PDX1: variants seen among roughly 807,000 people sequenced by gnomAD.
PDX1 encodes the protein pancreas/duodenum homeobox protein 1.
PDX1 carries 7 observed loss-of-function variants against 11.1 expected under a neutral mutation model. The ratio of observed to expected loss-of-function variants is 0.63; its 90% confidence interval spans 0.36 to 1.19. The LOEUF is 1.19. PDX1 is among the 50% of genes most tolerant of loss of function. PDX1 has a pLI of 0.02. For missense variants in PDX1, 449 were observed against 412.1 expected (o/e 1.09, Z -0.78); for synonymous variants, 232 against 196.2 (o/e 1.18, Z -1.53).
In PDX1 at chr13:27,924,467, C is replaced by T. The variant is rs1442259663; in HGVS notation, c.618C>T (p.Asp206=). ...NRRMKWKKEE[D]KKRGGGTAVG... is the part of the protein sequence containing the mutation. ...GCATGAAGTGGAAAAAGGAGGAGGACAAGAAGCGCGGCGGCGGGACAGCTG... is the reference window on the plus strand; with the variant it reads ...GCATGAAGTGGAAAAAGGAGGAGGATAAGAAGCGCGGCGGCGGGACAGCTG... Residue 206 remains aspartate (D), a synonymous_variant, in exon 2 of 2, where the codon GAC becomes GAT. Transcript: ENST00000381033. This position sits in a 1 kb window ranked among gnomAD's most constrained non-coding sequence, Gnocchi z 4.8. 2.5e-6 allele frequency: 4 copies of T among 1,612,998 alleles called. No homozygotes were observed. The African/African-American group carries it at 5.3e-5, about 22-fold the overall frequency.
At chr13:27,923,249 C>T (rs571974215) in intron 1 of PDX1, among the ~76,000 whole-genome samples, 1 of 152,352 alleles carries the variant, frequency 6.6e-6, no homozygotes, top group Admixed American at 6.5e-5. Context: ...GGGTCTCCAA[C>T]CTCCTGGGCC....
chr13:27,923,901 G>A (rs753109592), intron 1 of PDX1, among the ~76,000 whole-genome samples: 19 of 152,180 alleles, frequency 1.2e-4, no homozygotes, highest in Admixed American at 9.8e-4. Flanking sequence ...GTAGGATCCA[G>A]CCGGTTTAAC....
At chr13:27,921,009 C>T (rs1957782548) in intron 1 of PDX1, among the ~76,000 whole-genome samples, 1 of 152,150 alleles carries the variant, frequency 6.6e-6, no homozygotes, top group Non-Finnish European at 1.5e-5. Context: ...TCCCGCGCTT[C>T]GTTAAGGAAG....
chr13:27,920,396 C>A lies in PDX1; in HGVS notation c.258C>A (p.Leu86=). The A allele has an allele frequency of 6.4e-7, 1 of 1,551,874 alleles. No individual in the cohort carries two copies. The change falls in exon 1 of 2, where the codon CTC becomes CTA. Residue 86 remains leucine, a synonymous_variant. Coordinates refer to ENST00000381033, the MANE Select transcript of PDX1 (RefSeq NM_000209.4). ...DPAVAHLHHH[L]PAQLALPHPP... is the part of the protein sequence containing the mutation. The stretch of plus-strand genomic sequence containing the variant: ...CGGTGGCGCACCTTCACCACCACCT[C>A]CCGGCTCAGCTCGCGCTCCCCCACC...
intron 1 of PDX1, among the ~76,000 whole-genome samples, chr13:27,922,557 G>C (rs1249804233): frequency 1.3e-5 from 2 of 152,208 alleles, no homozygotes; most frequent in Non-Finnish European, 2.9e-5. Context: ...ACCCCCAAAT[G>C]CTTCAGCAGC....
intron 1 of PDX1, among the ~76,000 whole-genome samples, chr13:27,922,894 C>G (rs899268268): frequency 1.3e-4 from 20 of 152,180 alleles, no homozygotes; most frequent in African/African-American, 4.6e-4. Flanking sequence ...CGTGGGATGC[C>G]AGGTAGATTC....
At chr13:27,923,147 G>A (rs1957800072) in intron 1 of PDX1, among the ~76,000 whole-genome samples, 1 of 152,216 alleles carries the variant, frequency 6.6e-6, no homozygotes. Flanking sequence ...GGAACTTCCC[G>A]CGCCAGCGTC....
chr13:27,921,578 G>A (rs1168673341), intron 1 of PDX1, among the ~76,000 whole-genome samples: 5 of 152,228 alleles, frequency 3.3e-5, no homozygotes, highest in Non-Finnish European at 7.3e-5. Context: ...GGGAGTAGGG[G>A]GAAGCAGCTC....
rs202159230 is a variant in PDX1 at position 27,924,403 on chromosome 13, T to G, written c.554T>G (p.Leu185Trp). 6.2e-7 allele frequency: 1 copy of G among 1,613,158 alleles called. No homozygotes were observed. Among genetic ancestry groups the G allele is most frequent in the East Asian group, 2.2e-5 (1 of 44,874 alleles). Residue 185 changes from leucine (L) to tryptophan (W), a missense_variant, in exon 2 of 2, where the codon TTG becomes TGG. Leu to Trp is a moderately conservative substitution (Grantham distance 61). This residue lies in a region of PDX1 where 47 missense variants were observed against 78.2 expected (regional missense o/e 0.60). Coordinates refer to ENST00000381033, the MANE Select transcript of PDX1 (RefSeq NM_000209.4). This position sits in a 1 kb window ranked among gnomAD's most constrained non-coding sequence, Gnocchi z 4.8. ...RRVELAVMLN[L>W]TERHIKIWFQ... ...GTGGAGCTGGCTGTCATGTTGAACT[T>G]GACCGAGAGACACATCAAGATCTGG...
Position 27,920,085 on chromosome 13 carries a change from C to G in PDX1, c.-54C>G, listed in dbSNP as rs1288534373. On this transcript the variant is annotated 5_prime_UTR_variant, in exon 1 of 2. Transcript: ENST00000381033. The stretch of plus-strand genomic sequence containing the variant: ...AGTGCCAAATCCCCGGCTCCAGCTC[C>G]CGACTCCCGGCTCCCGGCTCCCGGC... 1.9e-6 allele frequency: 3 copies of G among 1,547,142 alleles called. No homozygotes were observed. The East Asian group carries it at 7.3e-5, about 38-fold the overall frequency.
chr13:27,920,391 C>G lies in PDX1; in HGVS notation c.253C>G (p.His85Asp), dbSNP rs1223102835. 6.5e-7 allele frequency: 1 copy of G among 1,550,222 alleles called. No homozygotes were observed. The highest frequency in any genetic ancestry group is 1.4e-5 in the African/African-American group (1 of 73,182). The change falls in exon 1 of 2, where the codon CAC (histidine) becomes GAC (aspartate). Residue 85 changes from histidine to aspartate, a missense_variant. By Grantham distance (81) the His-to-Asp change is moderately conservative. Around this residue, in one of 3 missense-constraint regions of PDX1, gnomAD observed 263 missense variants for 212.5 expected, o/e 1.24. Transcript: ENST00000381033. ...DDPAVAHLHH[H>D]LPAQLALPHP... ...CCCCGCGGTGGCGCACCTTCACCAC[C>G]ACCTCCCGGCTCAGCTCGCGCTCCC... is the stretch of plus-strand genomic sequence containing the variant.
In PDX1 at chr13:27,926,238, T is replaced by G. The variant is rs958112140; in HGVS notation, c.*1537T>G. The G allele has an allele frequency of 6.6e-6, 1 of 152,256 alleles. No individual in the cohort carries two copies. The highest frequency in any genetic ancestry group is 6.5e-5 in the Admixed American group (1 of 15,284). 9.4% of individuals were successfully genotyped at this position (152,256 alleles called of 1,614,324 possible). ...GGGAAGAGATGAAAACTGATTCTCC[T>G]CACTTTGTTTCAAACCTTTCTGGCA... On this transcript the variant is annotated 3_prime_UTR_variant, in exon 2 of 2. Coordinates refer to ENST00000381033, the MANE Select transcript of PDX1 (RefSeq NM_000209.4).
In PDX1 at chr13:27,920,266, C is replaced by T; in HGVS notation, c.128C>T (p.Pro43Leu). 1.3e-6 allele frequency: 2 copies of T among 1,515,438 alleles called. No homozygotes were observed. Among genetic ancestry groups the T allele is most frequent in the Non-Finnish European group, 8.9e-7 (1 of 1,126,860 alleles). The allele number at this position is 1,515,438 out of a possible 1,614,324, so 93.9% of individuals were successfully genotyped here. The change falls in exon 1 of 2, where the codon CCG becomes CTG. Residue 43 changes from proline to leucine, a missense_variant. Physicochemically the swap from Pro to Leu is moderately conservative, Grantham distance 98. Coordinates refer to ENST00000381033, the MANE Select transcript of PDX1 (RefSeq NM_000209.4). ...TGCCTGTACATGGGCCGCCAGCCCC[C>T]GCCGCCGCCGCCGCACCCGTTCCCT... ...PACLYMGRQPPPPPPHPFPGA... is the reference protein window; with the variant it reads ...PACLYMGRQPLPPPPHPFPGA...
Position 27,920,172 on chromosome 13 carries a change from C to T in PDX1, c.34C>T (p.Gln12Ter). The T allele has an allele frequency of 6.5e-7, 1 of 1,550,028 alleles. No homozygotes were observed. Among genetic ancestry groups the T allele is most frequent in the Non-Finnish European group, 8.7e-7 (1 of 1,146,728 alleles). The change falls in exon 1 of 2, where the codon CAG becomes TAG. Residue 12 changes from glutamine to a stop codon, truncating the protein, a stop_gained. Coordinates refer to ENST00000381033, the MANE Select transcript of PDX1 (RefSeq NM_000209.4). LOFTEE classifies it high-confidence loss of function. ...CGAGGAGCAGTACTACGCGGCCACGCAGCTTTACAAGGACCCATGCGCGTT... is the reference window on the plus strand; with the variant it reads ...CGAGGAGCAGTACTACGCGGCCACGTAGCTTTACAAGGACCCATGCGCGTT... The part of the protein sequence containing the change: ...NGEEQYYAAT[Q>*]LYKDPCAFQR...
At chr13:27,923,155 G>A (rs376191274) in intron 1 of PDX1, among the ~76,000 whole-genome samples, 2 of 152,212 alleles carry the variant, frequency 1.3e-5, no homozygotes, top group African/African-American at 2.4e-5. Context: ...CCGCGCCAGC[G>A]TCCACAGCCT....
chr13:27,920,273 G>C lies in PDX1; in HGVS notation c.135G>C (p.Pro45=). The change falls in exon 1 of 2, where the codon CCG becomes CCC. Residue 45 remains proline (P), a synonymous_variant. Coordinates refer to ENST00000381033, the MANE Select transcript of PDX1 (RefSeq NM_000209.4). ...CLYMGRQPPP[P]PPHPFPGALG... ...ACATGGGCCGCCAGCCCCCGCCGCC[G>C]CCGCCGCACCCGTTCCCTGGCGCCC... 1 of 1,540,888 alleles carries C rather than the reference G, an allele frequency of 6.5e-7. No individual in the cohort carries two copies. Among genetic ancestry groups the C allele is most frequent in the Non-Finnish European group, 8.7e-7 (1 of 1,143,146 alleles).
Position 27,925,214 on chromosome 13 carries a change from G to A in PDX1, c.*513G>A. The A allele has an allele frequency of 5.2e-6, 1 of 194,052 alleles. No individual in the cohort carries two copies. The highest frequency in any genetic ancestry group is 8.3e-5 in the South Asian group (1 of 12,112). 12.0% of individuals were successfully genotyped at this position (194,052 alleles called of 1,614,324 possible). ...AAATGTTTGAGTTTTCAAAGATCCC[G>A]TGAAATTGATGCCAGTGGAATACAG... On this transcript the variant is annotated 3_prime_UTR_variant, in exon 2 of 2. Coordinates refer to ENST00000381033, the MANE Select transcript of PDX1 (RefSeq NM_000209.4).
In PDX1 at chr13:27,925,553, TC is replaced by T. The variant is rs1957819760; in HGVS notation, c.*854del. 1 of 170,080 alleles carries T rather than the reference TC, an allele frequency of 5.9e-6. No individual in the cohort carries two copies. Among genetic ancestry groups the T allele is most frequent in the African/African-American group, 4.0e-5 (1 of 25,174 alleles). 10.5% of individuals were successfully genotyped at this position (170,080 alleles called of 1,614,324 possible). On this transcript the variant is annotated 3_prime_UTR_variant, in exon 2 of 2. Transcript: ENST00000381033. ...TTGCTCCCCTTCTTCCCCGTCCTCT[TC>T]CTCCTCCTCCTCTTCTTCTCCCTCC... is the stretch of plus-strand genomic sequence containing the variant.
rs1221537170 is a variant in PDX1, at chr13:27,920,331, A to G, written c.193A>G (p.Ile65Val). The G allele has an allele frequency of 7.1e-6, 11 of 1,541,258 alleles. No homozygotes were observed. Among genetic ancestry groups the G allele is most frequent in the Non-Finnish European group, 8.8e-6 (10 of 1,141,536 alleles). ...GALEQGSPPD[I>V]SPYEVPPLAD... is the part of the protein sequence containing the mutation. ...GCTGGAGCAGGGCAGCCCCCCGGAC[A>G]TCTCCCCGTACGAGGTGCCCCCCCT... The change falls in exon 1 of 2, where the codon ATC (isoleucine) becomes GTC (valine). Residue 65 changes from isoleucine (I) to valine (V), a missense_variant. Around this residue, in one of 3 missense-constraint regions of PDX1, gnomAD observed 263 missense variants for 212.5 expected, o/e 1.24. Coordinates refer to ENST00000381033, the MANE Select transcript of PDX1 (RefSeq NM_000209.4).
Sources: gnomAD v4.1 joint callset for allele counts (sites outside exome capture counted in the v4.1 genomes callset) on GRCh38, gnomAD v4.1.1 for gene constraint, gnomAD v4.1.1 regional missense constraint, Gnocchi (gnomAD v3.1) non-coding constraint, MANE v1.5 for transcripts, NCBI Gene and HGNC (gene_info 2026-07-23, HGNC 2026-07-21) for gene names.